Variants in CDH20 observed in about 807,000 individuals in gnomAD.
The protein encoded by CDH20 is cadherin 20, also known as cadherin-20.
A neutral mutation model predicts 74.2 loss-of-function variants in CDH20; 29 were observed. The ratio of observed to expected loss-of-function variants is 0.39; its 90% CI spans 0.29 to 0.53. The LOEUF (loss-of-function observed/expected upper bound fraction) is 0.53, where lower values mean the gene tolerates loss of function less well. Among genes scored for constraint, CDH20 ranks in the 20% least tolerant of loss-of-function variants. The pLI is 0.69. For missense variants in CDH20, 988 were observed against 1,048.3 expected, an observed-to-expected ratio of 0.94 and a Z score of 0.79; for synonymous variants, 469 against 405.4, an observed-to-expected ratio of 1.16 and a Z score of -1.88.
intron 7 of CDH20, among the ~76,000 whole-genome samples, chr18:61,534,759 T>C (rs1912763384): frequency 6.6e-6 from 1 of 152,070 alleles, no homozygotes; most frequent in Non-Finnish European, 1.5e-5. Flanking sequence ...GGAAAAAGAA[T>C]CAAAAAGTTC....
chr18:61,435,665 T>C (rs1908807327), intron 1 of CDH20, among the ~76,000 whole-genome samples: 1 of 151,234 alleles, frequency 6.6e-6, no homozygotes, highest in Non-Finnish European at 1.5e-5. Flanking sequence ...AAATTCAAAG[T>C]TTTTAAAAAT....
chr18:61,458,964 C>A (rs1909675612), intron 1 of CDH20, among the ~76,000 whole-genome samples: 1 of 152,186 alleles, frequency 6.6e-6, no homozygotes, highest in East Asian at 1.9e-4. Context: ...AAGCACAGAT[C>A]TATTTCTGAA....
At chr18:61,458,837 C>T (rs1270334547) in intron 1 of CDH20, among the ~76,000 whole-genome samples, 1 of 152,186 alleles carries the variant, frequency 6.6e-6, no homozygotes, top group Non-Finnish European at 1.5e-5. Flanking sequence ...ATGTTAATTG[C>T]ATAAAGTAGC....
intron 1 of CDH20, among the ~76,000 whole-genome samples, chr18:61,339,026 T>A (rs1344087934): frequency 6.6e-6 from 1 of 152,196 alleles, no homozygotes; most frequent in Admixed American, 6.5e-5. Context: ...AGTTAAATAT[T>A]TGAATGGTTC....
At chr18:61,491,851 G>T (rs1910970632) in intron 2 of CDH20, among the ~76,000 whole-genome samples, 1 of 151,880 alleles carries the variant, frequency 6.6e-6, no homozygotes, top group African/African-American at 2.4e-5. Context: ...TCCTATCTGT[G>T]CCATGACCTT....
chr18:61,477,469 G>T (rs1042212528), intron 1 of CDH20, among the ~76,000 whole-genome samples: 3 of 152,134 alleles, frequency 2.0e-5, no homozygotes, highest in Non-Finnish European at 4.4e-5. Flanking sequence ...TCTGTTTTCT[G>T]CAATTAAAAG....
intron 5 of CDH20, among the ~76,000 whole-genome samples, chr18:61,503,717 C>T (rs1911466761): frequency 6.6e-6 from 1 of 152,182 alleles, no homozygotes; most frequent in Non-Finnish European, 1.5e-5. Context: ...CTTGGGAGGA[C>T]ACATCCTACA....
chr18:61,415,266 T>C lies in CDH20; in HGVS notation c.-152-75136T>C, dbSNP rs1057407365. On this transcript the variant is annotated intron_variant, in intron 1 of 11. Transcript: ENST00000262717. Reference sequence around the variant, plus strand: ...TGAGTCCAATGGGTCCTTTTTAAAATATATATTTTAAGTCATTTTACAAAT... The same window carrying C: ...TGAGTCCAATGGGTCCTTTTTAAAACATATATTTTAAGTCATTTTACAAAT... 3.9e-5 allele frequency among the ~76,000 whole-genome samples: 6 copies of C among 152,178 alleles called. No individual in the cohort carries two copies. In the South Asian group the frequency reaches 1.2e-3, roughly 32 times the overall value.
At chr18:61,440,964 T>TA (rs1342839869) in intron 1 of CDH20, among the ~76,000 whole-genome samples, 2 of 152,042 alleles carry the variant, frequency 1.3e-5, no homozygotes, top group African/African-American at 4.8e-5. Flanking sequence ...CAGGAAAGGG[T>TA]AAGAAATTGC....
At chr18:61,421,602 C>T (rs1178403678) in intron 1 of CDH20, among the ~76,000 whole-genome samples, 3 of 152,062 alleles carry the variant, frequency 2.0e-5, no homozygotes, top group Non-Finnish European at 4.4e-5. Flanking sequence ...ATAGTTAACA[C>T]GAATCAATTA....
chr18:61,538,127 C>T (rs1912875566), intron 8 of CDH20, among the ~76,000 whole-genome samples: 2 of 152,144 alleles, frequency 1.3e-5, no homozygotes, highest in Admixed American at 1.3e-4. Context: ...CCTGTAATAT[C>T]CTGTTAGTCC....
intron 11 of CDH20, among the ~76,000 whole-genome samples, chr18:61,550,920 A>G (rs1276489597): frequency 1.3e-5 from 2 of 152,198 alleles, no homozygotes; most frequent in Non-Finnish European, 2.9e-5. Context: ...AACCACACAG[A>G]TTTCTGGAGA....
At chr18:61,497,578 T>C (rs568942811) in intron 2 of CDH20, among the ~76,000 whole-genome samples, 4 of 152,164 alleles carry the variant, frequency 2.6e-5, no homozygotes, top group East Asian at 3.9e-4. Context: ...TACCCTTTTC[T>C]CTATGCACGT....
intron 6 of CDH20, among the ~76,000 whole-genome samples, chr18:61,515,069 C>T (rs1911939795): frequency 6.6e-6 from 1 of 152,144 alleles, no homozygotes; most frequent in African/African-American, 2.4e-5. Context: ...CTAATCAAGC[C>T]TGGGCAATGG....
chr18:61,359,183 TA>T (rs1316312914), intron 1 of CDH20, among the ~76,000 whole-genome samples: 2 of 152,152 alleles, frequency 1.3e-5, no homozygotes, highest in African/African-American at 4.8e-5. Context: ...TAAGTGACCA[TA>T]ATGTGATGTT....
chr18:61,479,673 C>A (rs1347086859), intron 1 of CDH20, among the ~76,000 whole-genome samples: 1 of 143,722 alleles, frequency 7.0e-6, no homozygotes, highest in Non-Finnish European at 1.5e-5. Context: ...TTTTTCCCCC[C>A]TAATGCTCAA....
At chr18:61,541,183 C>T (rs1442455884) in intron 9 of CDH20, among the ~76,000 whole-genome samples, 1 of 151,924 alleles carries the variant, frequency 6.6e-6, no homozygotes, top group Admixed American at 6.6e-5. Flanking sequence ...GAACAATGAT[C>T]GAGAGGGAAG....
chr18:61,415,991 G>T (rs768057301), intron 1 of CDH20, among the ~76,000 whole-genome samples: 6 of 151,596 alleles, frequency 4.0e-5, no homozygotes, highest in Non-Finnish European at 8.8e-5. Context: ...TAATTGATGA[G>T]TAATGATGAA....
chr18:61,395,684 A>G (rs970405085), intron 1 of CDH20, among the ~76,000 whole-genome samples: 8 of 152,338 alleles, frequency 5.3e-5, no homozygotes, highest in African/African-American at 1.9e-4. Flanking sequence ...ATTTTTTTGA[A>G]ATAAATTTTT....
Sources: allele counts gnomAD v4.1 joint callset (sites outside exome capture counted in the v4.1 genomes callset), GRCh38; gene constraint gnomAD v4.1.1; transcripts MANE v1.5; gene names NCBI Gene and HGNC (gene_info 2026-07-23, HGNC 2026-07-21).